The following DPP8 variants were observed in gnomAD, a reference collection of about 807,000 sequenced individuals.
DPP8 encodes DPP VIII.
Under a neutral mutation model 107.5 loss-of-function variants are expected in DPP8, and 31 were observed. The observed-to-expected ratio is 0.29, with a 90% confidence interval of 0.22 to 0.39. The LOEUF (loss-of-function observed/expected upper bound fraction) is 0.39, where lower values mean the gene tolerates loss of function less well. DPP8 is among the 10% of genes least tolerant of loss of function. DPP8 has a pLI of 1.00. For missense variants in DPP8, 842 were observed against 1,076.1 expected (o/e 0.78, Z 3.04); for synonymous variants, 381 against 356.6 (o/e 1.07, Z -0.77).
intron 8 of DPP8, 113 bp downstream of exon 8, chr15:65,484,986 A>G (rs766611375): frequency 3.7e-6 from 3 of 814,084 alleles, no homozygotes; most frequent in East Asian, 5.0e-5. Flanking sequence ...TGATCCACCG[A>G]TATCTCAGCA....
At chr15:65,500,390 C>A (rs1358112203) in intron 4 of DPP8, among the ~76,000 whole-genome samples, 1 of 151,850 alleles carries the variant, frequency 6.6e-6, no homozygotes, top group Non-Finnish European at 1.5e-5. Context: ...TGCACTCCAG[C>A]CTGGGCAACA....
intron 16 of DPP8, among the ~76,000 whole-genome samples, chr15:65,454,788 T>C (rs1595862714): frequency 6.6e-6 from 1 of 152,178 alleles, no homozygotes; most frequent in East Asian, 1.9e-4. Flanking sequence ...GCCTCCCAAA[T>C]TGCTGGGATT....
At chr15:65,475,682 A>C (rs960367113) in intron 11 of DPP8, 1 of 592,806 alleles carries the variant, frequency 1.7e-6, no homozygotes, top group East Asian at 3.7e-5. Flanking sequence ...GTTTAATACA[A>C]TTGTTCTTCA....
intron 1 of DPP8, among the ~76,000 whole-genome samples, chr15:65,514,527 G>A (rs1166039208): frequency 6.6e-6 from 1 of 152,018 alleles, no homozygotes; most frequent in Non-Finnish European, 1.5e-5. Flanking sequence ...GTTTTGTTTT[G>A]AGGCAGAGTC....
intron 15 of DPP8, among the ~76,000 whole-genome samples, chr15:65,460,974 C>G (rs376786115): frequency 6.6e-6 from 1 of 152,198 alleles, no homozygotes; most frequent in African/African-American, 2.4e-5. Flanking sequence ...TCCAATTCCT[C>G]TACATCTTGT....
rs774913072 is a variant in DPP8 at position 65,481,579 on chromosome 15, A to G, written c.1054T>C (p.Phe352Leu). ...TCAACTCCTTCAAATAGAATCTCAA[A>G]AGGTTGAATTAGTTCCTTATCTATG... ...DVIDKELIQP[F>L]EILFEGVEYI... The change falls in exon 9 of 20, where the codon TTT becomes CTT. Residue 352 changes from phenylalanine (F) to leucine (L), a missense_variant. Physicochemically the swap from Phe to Leu is conservative, Grantham distance 22. Around this residue, in one of 2 missense-constraint regions of DPP8, gnomAD observed 663 missense variants for 758.0 expected, o/e 0.87. Coordinates refer to ENST00000300141, the MANE Select transcript of DPP8 (RefSeq NM_130434.5). 6.3e-7 allele frequency: 1 copy of G among 1,588,820 alleles called. No homozygotes were observed. The highest frequency in any genetic ancestry group is 8.6e-7 in the Non-Finnish European group (1 of 1,168,950).
intron 11 of DPP8, among the ~76,000 whole-genome samples, chr15:65,477,525 C>G (rs1229374049): frequency 1.3e-5 from 2 of 150,498 alleles, no homozygotes; most frequent in Non-Finnish European, 3.0e-5. Context: ...TATACTTTTC[C>G]ACAATTTTTT....
intron 5 of DPP8, among the ~76,000 whole-genome samples, chr15:65,493,653 A>T (rs1000492250): frequency 6.6e-6 from 1 of 152,192 alleles, no homozygotes; most frequent in Admixed American, 6.6e-5. Context: ...AGCCAAGACT[A>T]TGAAGATAAG....
chr15:65,480,830 T>C (rs1459464752), intron 9 of DPP8, among the ~76,000 whole-genome samples: 1 of 152,030 alleles, frequency 6.6e-6, no homozygotes, highest in Admixed American at 6.6e-5. Context: ...AGTGCAGTGG[T>C]TCACACCTGT....
intron 1 of DPP8, among the ~76,000 whole-genome samples, chr15:65,515,166 G>A (rs1341113035): frequency 6.6e-6 from 1 of 152,192 alleles, no homozygotes; most frequent in African/African-American, 2.4e-5. Flanking sequence ...CTTTTTTGTA[G>A]AGATGGGGGT....
At chr15:65,452,753 C>G (rs559130198) in intron 17 of DPP8, among the ~76,000 whole-genome samples, 1 of 152,174 alleles carries the variant, frequency 6.6e-6, no homozygotes, top group South Asian at 2.1e-4. Context: ...GGGCGGATCA[C>G]CCAAGGTCAG....
rs1272869598 is a variant in DPP8 at position 65,445,077 on chromosome 15, G to T, written c.*1807C>A. The T allele has an allele frequency of 6.6e-6, 1 of 152,016 alleles. No homozygotes were observed. The highest frequency in any genetic ancestry group is 2.4e-5 in the African/African-American group (1 of 41,378). The allele number at this position is 152,016 out of a possible 1,614,324, so 9.4% of individuals were successfully genotyped here. On this transcript the variant is annotated 3_prime_UTR_variant, in exon 20 of 20. Coordinates refer to ENST00000300141, the MANE Select transcript of DPP8 (RefSeq NM_130434.5). ...TATACAGATAATAAGAAAAAGCGTGGTATCTATTATACAGTATAAATACAA... is the reference window on the plus strand; with the variant it reads ...TATACAGATAATAAGAAAAAGCGTGTTATCTATTATACAGTATAAATACAA...
At chr15:65,485,254 A>G (rs1011743358) in intron 7 of DPP8, 94 bp from the exon 8 acceptor site, 30 of 980,458 alleles carry the variant, frequency 3.1e-5, no homozygotes, top group Non-Finnish European at 4.9e-5. Flanking sequence ...AGTTAAGAAT[A>G]ACGTATAGGT....
In DPP8 at chr15:65,474,278, C is replaced by A. The variant is rs1322446899; in HGVS notation, c.1467G>T (p.Lys489Asn). 6.2e-7 allele frequency: 1 copy of A among 1,605,920 alleles called. No homozygotes were observed. Among genetic ancestry groups the A allele is most frequent in the South Asian group, 1.1e-5 (1 of 90,920 alleles). Reference sequence around the variant, plus strand: ...TTGCTATCTCCTCTTTGATAGGACACTTGAAATCACCTGAAGATAAATATA... The same window carrying A: ...TTGCTATCTCCTCTTTGATAGGACAATTGAAATCACCTGAAGATAAATATA... ...SGGLPAPSDF[K>N]CPIKEEIAIT... Residue 489 changes from lysine (K) to asparagine (N), a missense_variant, in exon 12 of 20, where the codon AAG becomes AAT. Coordinates refer to ENST00000300141, the MANE Select transcript of DPP8 (RefSeq NM_130434.5).
Position 65,497,860 on chromosome 15 carries a change from T to A in DPP8, c.715+4A>T, listed in dbSNP as rs749190511. On this transcript the variant is annotated splice_donor_region_variant and intron_variant, in intron 5 of 19. Transcript: ENST00000300141. ...AAAAGTAAATCTGAAGAACTACGCC[T>A]TACCATTGTGCACATAAGTGAGTCT... is the stretch of plus-strand genomic sequence containing the variant. 1 of 1,482,624 alleles carries A rather than the reference T, an allele frequency of 6.7e-7. No homozygotes were observed. The highest frequency in any genetic ancestry group is 1.5e-5 in the South Asian group (1 of 66,810). 91.8% of individuals were successfully genotyped at this position (1,482,624 alleles called of 1,614,324 possible).
In DPP8 at chr15:65,494,913, C is replaced by T. The variant is rs147705912; in HGVS notation, c.715+2951G>A. On this transcript the variant is annotated intron_variant, in intron 5 of 19. Coordinates refer to ENST00000300141, the MANE Select transcript of DPP8 (RefSeq NM_130434.5). ...TCAAGCTTTGGTGTTCCTGTCTCTA[C>T]CCATGCTTCTCAAATTTAACCTCCA... is the stretch of plus-strand genomic sequence containing the variant. 1.6e-4 allele frequency among the ~76,000 whole-genome samples: 24 copies of T among 152,250 alleles called. No individual in the cohort carries two copies. The East Asian group carries it at 4.4e-3, about 28-fold the overall frequency.
intron 5 of DPP8, among the ~76,000 whole-genome samples, chr15:65,493,524 T>C (rs1242735532): frequency 6.6e-6 from 1 of 152,154 alleles, no homozygotes; most frequent in African/African-American, 2.4e-5. Flanking sequence ...GCATATTAAG[T>C]TTATCAATAT....
intron 17 of DPP8, among the ~76,000 whole-genome samples, chr15:65,452,643 C>T (rs2064073219): frequency 6.6e-6 from 1 of 152,080 alleles, no homozygotes; most frequent in Admixed American, 6.6e-5. Flanking sequence ...GATATATGTG[C>T]AAGAATAAAA....
chr15:65,484,144 T>C (rs1165179041), intron 8 of DPP8, among the ~76,000 whole-genome samples: 1 of 151,996 alleles, frequency 6.6e-6, no homozygotes, highest in Admixed American at 6.6e-5. Context: ...CTGGTCAACA[T>C]AGTGAAACCC....
Sources: gnomAD v4.1 joint callset for allele counts (sites outside exome capture counted in the v4.1 genomes callset) on GRCh38, gnomAD v4.1.1 for gene constraint, gnomAD v4.1.1 regional missense constraint, MANE v1.5 for transcripts, NCBI Gene and HGNC (gene_info 2026-07-23, HGNC 2026-07-21) for gene names.